Variants in PRDM6 observed in about 807,000 individuals in gnomAD.
PRDM6 encodes the protein putative histone-lysine N-methyltransferase PRDM6.
PRDM6 carries 25 observed loss-of-function variants against 60.8 expected under a neutral mutation model. That is an observed-to-expected ratio of 0.41 (90% CI 0.30 to 0.57). PRDM6 has a LOEUF of 0.57. PRDM6 is among the 20% of genes least tolerant of loss of function. The pLI, the probability that PRDM6 is intolerant of heterozygous loss-of-function variation, is 0.27. For missense variants in PRDM6, 839 were observed against 821.3 expected, an observed-to-expected ratio of 1.02 and a Z score of -0.26; for synonymous variants, 407 against 357.4, an observed-to-expected ratio of 1.14 and a Z score of -1.57.
chr5:123,100,006 T>G, intron 3 of PRDM6, 45 bp downstream of exon 3: 1 of 1,448,848 alleles, frequency 6.9e-7, no homozygotes, highest in Non-Finnish European at 9.1e-7. Context: ...GCAGGAGCCT[T>G]GGCCAGCAGG....
intron 3 of PRDM6, among the ~76,000 whole-genome samples, chr5:123,118,917 CAAAT>C (rs1164165916): frequency 2.6e-5 from 4 of 152,028 alleles, no homozygotes; most frequent in African/African-American, 9.7e-5. Flanking sequence ...GGTTTTGAGA[CAAAT>C]GAATGCATCT....
intron 3 of PRDM6, among the ~76,000 whole-genome samples, chr5:123,132,477 G>A (rs563378446): frequency 3.9e-5 from 6 of 152,088 alleles, no homozygotes; most frequent in South Asian, 4.2e-4. Flanking sequence ...TTCTATAAGC[G>A]CTTTCTAATG....
chr5:123,111,343 T>C (rs1764306804), intron 3 of PRDM6, among the ~76,000 whole-genome samples: 1 of 152,180 alleles, frequency 6.6e-6, no homozygotes, highest in Non-Finnish European at 1.5e-5. Flanking sequence ...TGGTCCTGAA[T>C]TGGGGGTCAG....
chr5:123,109,811 A>G (rs995169639), intron 3 of PRDM6, among the ~76,000 whole-genome samples: 1 of 152,142 alleles, frequency 6.6e-6, no homozygotes, highest in Admixed American at 6.5e-5. Context: ...CAAGATGAAA[A>G]TGCGAGAATT....
chr5:123,109,506 C>T (rs1764261181), intron 3 of PRDM6, among the ~76,000 whole-genome samples: 1 of 151,984 alleles, frequency 6.6e-6, no homozygotes, highest in African/African-American at 2.4e-5. Context: ...TAATGGTAGA[C>T]CATGATACAT....
intron 5 of PRDM6, among the ~76,000 whole-genome samples, chr5:123,166,388 C>G (rs1419044881): frequency 6.6e-6 from 1 of 152,148 alleles, no homozygotes; most frequent in African/African-American, 2.4e-5. Flanking sequence ...TTTCTTTTCT[C>G]TAACAGCACT....
At chr5:123,093,921 G>A (rs1763899679) in intron 2 of PRDM6, among the ~76,000 whole-genome samples, 1 of 151,970 alleles carries the variant, frequency 6.6e-6, no homozygotes, top group South Asian at 2.1e-4. Flanking sequence ...AGCCACTTTG[G>A]GTGTCTCGGG....
intron 7 of PRDM6, among the ~76,000 whole-genome samples, chr5:123,183,228 G>A (rs1373906258): frequency 2.6e-5 from 4 of 152,138 alleles, no homozygotes; most frequent in African/African-American, 7.2e-5. Context: ...TATGTCTTGG[G>A]GAGTTTCCAA....
chr5:123,159,018 G>A (rs1392847007), intron 4 of PRDM6, among the ~76,000 whole-genome samples: 1 of 152,146 alleles, frequency 6.6e-6, no homozygotes, highest in Non-Finnish European at 1.5e-5. Flanking sequence ...TAGAAGAGCA[G>A]TGGAGAAGAT....
intron 3 of PRDM6, among the ~76,000 whole-genome samples, chr5:123,148,357 G>A (rs889442032): frequency 1.3e-5 from 2 of 152,008 alleles, no homozygotes; most frequent in South Asian, 2.1e-4. Flanking sequence ...CTTGGCATTC[G>A]AGACATTCCA....
At chr5:123,117,298 C>A in intron 3 of PRDM6, among the ~76,000 whole-genome samples, 1 of 152,202 alleles carries the variant, frequency 6.6e-6, no homozygotes, top group African/African-American at 2.4e-5. Context: ...AGGCAATAAA[C>A]ATACCCATAC....
At chr5:123,102,041 TGGATGATCTACA>T (rs1253495281) in intron 3 of PRDM6, among the ~76,000 whole-genome samples, 3 of 152,214 alleles carry the variant, frequency 2.0e-5, no homozygotes, top group Non-Finnish European at 2.9e-5. Flanking sequence ...GGTGTATGCT[TGGATGATCTACA>T]GGATCCAACT....
At chr5:123,141,904 C>G (rs184093233) in intron 3 of PRDM6, among the ~76,000 whole-genome samples, 1 of 152,268 alleles carries the variant, frequency 6.6e-6, no homozygotes, top group East Asian at 1.9e-4. Context: ...TGCTGAATCT[C>G]AGATTCAGAA....
chr5:123,117,223 G>C (rs1483580471), intron 3 of PRDM6, among the ~76,000 whole-genome samples: 1 of 152,122 alleles, frequency 6.6e-6, no homozygotes, highest in Non-Finnish European at 1.5e-5. Context: ...AGTAACTCTA[G>C]GGTTATGTAA....
chr5:123,159,419 G>T lies in PRDM6; in HGVS notation c.1029-95G>T, dbSNP rs942307167. ...ATTACAAACAGAAACTGTTTAGATGGAGCTGCGTAGAACTTTTTCAGGGCA... is the reference window on the plus strand; with the variant it reads ...ATTACAAACAGAAACTGTTTAGATGTAGCTGCGTAGAACTTTTTCAGGGCA... On this transcript the variant is annotated intron_variant, in intron 4 of 7. Coordinates refer to ENST00000407847, the MANE Select transcript of PRDM6 (RefSeq NM_001136239.4). 15 of 1,358,298 alleles carry T rather than the reference G, an allele frequency of 1.1e-5. No individual in the cohort carries two copies. The South Asian group carries it at 2.1e-4, about 19-fold the overall frequency. The allele number at this position is 1,358,298 out of a possible 1,614,324, so 84.1% of individuals were successfully genotyped here.
intron 3 of PRDM6, among the ~76,000 whole-genome samples, chr5:123,129,480 T>A (rs1201918440): frequency 1.3e-5 from 2 of 152,190 alleles, no homozygotes; most frequent in Admixed American, 6.5e-5. Flanking sequence ...TCTGAGGGAT[T>A]TCTTATAGAG....
At position 123,090,336 on chromosome 5, in the gene PRDM6, C is replaced by T. The variant is rs1298179293; in HGVS notation, c.322C>T (p.Leu108Phe). Reference protein sequence around the residue: ...AAAAAAALAGLSALPVSQLPV... With the variant: ...AAAAAAALAGFSALPVSQLPV... ...GGCCGCTGCCGCCGCGCTGGCTGGT[C>T]TCTCGGCCCTGCCGGTGTCGCAGCT... Residue 108 changes from leucine (L) to phenylalanine (F), a missense_variant, in exon 2 of 8, where the codon CTC becomes TTC. Physicochemically the swap from Leu to Phe is conservative, Grantham distance 22. This residue lies in a region of PRDM6 where 730 missense variants were observed against 648.8 expected (regional missense o/e 1.13). Transcript: ENST00000407847. 4 of 1,478,516 alleles carry T rather than the reference C, an allele frequency of 2.7e-6. No individual in the cohort carries two copies. The highest frequency in any genetic ancestry group is 3.6e-6 in the Non-Finnish European group (4 of 1,118,866). 91.6% of individuals were successfully genotyped at this position (1,478,516 alleles called of 1,614,324 possible).
intron 3 of PRDM6, among the ~76,000 whole-genome samples, chr5:123,113,210 A>G (rs1324840845): frequency 6.6e-6 from 1 of 152,190 alleles, no homozygotes; most frequent in Non-Finnish European, 1.5e-5. Flanking sequence ...CGTTTACATT[A>G]TGGTTCACCC....
Position 123,190,749 on chromosome 5 carries a change from A to T in PRDM6, c.*3548A>T, listed in dbSNP as rs1766415707. On this transcript the variant is annotated 3_prime_UTR_variant, in exon 8 of 8. Coordinates refer to ENST00000407847, the MANE Select transcript of PRDM6 (RefSeq NM_001136239.4). ...TCATTGTTTCATTCATTTATTCAAC[A>T]AGTATTTATTGAACTCTTATTTTAT... 6.6e-6 allele frequency: 1 copy of T among 152,196 alleles called. No individual in the cohort carries two copies. The allele number at this position is 152,196 out of a possible 1,614,324, so 9.4% of individuals were successfully genotyped here.
Sources: allele counts gnomAD v4.1 joint callset (sites outside exome capture counted in the v4.1 genomes callset), GRCh38; gene constraint gnomAD v4.1.1; regional missense constraint gnomAD v4.1.1; transcripts MANE v1.5; gene names NCBI Gene and HGNC (gene_info 2026-07-23, HGNC 2026-07-21).